Variants in EIF3J observed in about 807,000 individuals in gnomAD.
The protein encoded by EIF3J is eukaryotic translation initiation factor 3 subunit J.
A neutral mutation model predicts 39.0 loss-of-function variants in EIF3J; 15 were observed. The ratio of observed to expected loss-of-function variants is 0.38; its 90% CI spans 0.26 to 0.59. EIF3J has a LOEUF of 0.59. EIF3J is among the 20% of genes least tolerant of loss of function. EIF3J has a pLI of 0.60. For synonymous variants in EIF3J, 98 were observed against 112.9 expected, an observed-to-expected ratio of 0.87 and a Z score of 0.84; for missense variants, 226 against 308.6, an observed-to-expected ratio of 0.73 and a Z score of 2.00.
intron 2 of EIF3J, among the ~76,000 whole-genome samples, chr15:44,542,538 T>C (rs1041120981): frequency 1.3e-5 from 2 of 152,322 alleles, no homozygotes; most frequent in East Asian, 1.9e-4. Context: ...TGTGTTCTCA[T>C]TGCATGTGAC....
intron 4 of EIF3J, 45 bp from the exon 5 acceptor site, chr15:44,554,508 G>T (rs371607713): frequency 1.7e-6 from 2 of 1,163,736 alleles, no homozygotes; most frequent in Non-Finnish European, 2.5e-6. Flanking sequence ...GGTACTGAGT[G>T]CATCATAATC....
chr15:44,555,231 G>A (rs2082134761), intron 5 of EIF3J, among the ~76,000 whole-genome samples: 1 of 152,180 alleles, frequency 6.6e-6, no homozygotes, highest in Non-Finnish European at 1.5e-5. Flanking sequence ...TAAATTCAGA[G>A]TGTTCCAGAG....
chr15:44,547,162 A>G (rs143453203), intron 2 of EIF3J, among the ~76,000 whole-genome samples: 5,597 of 144,726 alleles, frequency 0.039, 355 homozygotes, highest in African/African-American at 0.13. Flanking sequence ...TTTTTTTGTG[A>G]GACGGAGTTT....
intron 2 of EIF3J, among the ~76,000 whole-genome samples, chr15:44,544,537 C>G (rs1446615602): frequency 6.7e-6 from 1 of 149,076 alleles, no homozygotes; most frequent in Non-Finnish European, 1.5e-5. Context: ...AAACCCATCT[C>G]TACTAAAAAT....
chr15:44,562,696 T>C lies in EIF3J; in HGVS notation c.*1547T>C, dbSNP rs1344629970. 6.0e-6 allele frequency: 1 copy of C among 166,188 alleles called. No individual in the cohort carries two copies. Among genetic ancestry groups the C allele is most frequent in the Admixed American group, 5.8e-5 (1 of 17,102 alleles). 10.3% of individuals were successfully genotyped at this position (166,188 alleles called of 1,614,324 possible). On this transcript the variant is annotated 3_prime_UTR_variant, in exon 8 of 8. Coordinates refer to ENST00000261868, the MANE Select transcript of EIF3J (RefSeq NM_003758.4). ...CCTTAGCAGTAATAATGACATACAC[T>C]GAATTGAAAATCTATTTTATTACAG...
rs1464813168 is a variant in EIF3J, at chr15:44,561,152, T to A, written c.*3T>A. ...AAGACTATGAAGACTTCATGTGACA[T>A]TTTATCTTTTCTTGGTGTCATCTTT... On this transcript the variant is annotated 3_prime_UTR_variant, in exon 8 of 8. Coordinates refer to ENST00000261868, the MANE Select transcript of EIF3J (RefSeq NM_003758.4). The A allele has an allele frequency of 6.2e-7, 1 of 1,607,926 alleles. No individual in the cohort carries two copies. The highest frequency in any genetic ancestry group is 8.5e-7 in the Non-Finnish European group (1 of 1,178,354).
At chr15:44,541,197 C>T (rs962913572) in intron 2 of EIF3J, among the ~76,000 whole-genome samples, 2 of 152,184 alleles carry the variant, frequency 1.3e-5, no homozygotes, top group African/African-American at 2.4e-5. Flanking sequence ...ATATATGACT[C>T]CTTCCTCATT....
intron 5 of EIF3J, among the ~76,000 whole-genome samples, chr15:44,556,002 G>A (rs1483067435): frequency 1.3e-5 from 2 of 151,842 alleles, no homozygotes; most frequent in Non-Finnish European, 2.9e-5. Flanking sequence ...GACTACAGGC[G>A]CATGCCACCA....
intron 4 of EIF3J, among the ~76,000 whole-genome samples, chr15:44,553,396 G>A (rs1389392961): frequency 6.6e-6 from 1 of 151,972 alleles, no homozygotes; most frequent in East Asian, 1.9e-4. Context: ...GGAGGCTGAG[G>A]CAGGAGAATG....
At chr15:44,549,227 C>T (rs952782674) in intron 2 of EIF3J, among the ~76,000 whole-genome samples, 2 of 151,212 alleles carry the variant, frequency 1.3e-5, no homozygotes, top group African/African-American at 4.9e-5. Context: ...AACCCCATCT[C>T]TACTAAAAAT....
intron 2 of EIF3J, among the ~76,000 whole-genome samples, chr15:44,547,541 C>T (rs1483158902): frequency 6.6e-6 from 1 of 151,228 alleles, no homozygotes; most frequent in East Asian, 1.9e-4. Flanking sequence ...CCTCCCACTC[C>T]TGGGTTCAAG....
chr15:44,540,606 A>G (rs2082006994), intron 2 of EIF3J, among the ~76,000 whole-genome samples: 1 of 151,930 alleles, frequency 6.6e-6, no homozygotes, highest in South Asian at 2.1e-4. Context: ...GAGACTGGCT[A>G]ATTTTTGTGT....
chr15:44,547,040 C>G (rs2082059263), intron 2 of EIF3J, among the ~76,000 whole-genome samples: 1 of 151,894 alleles, frequency 6.6e-6, no homozygotes, highest in Non-Finnish European at 1.5e-5. Flanking sequence ...CCAGGCTGGT[C>G]TCGGAACTCC....
At chr15:44,544,887 C>G (rs1055853609) in intron 2 of EIF3J, among the ~76,000 whole-genome samples, 1 of 151,592 alleles carries the variant, frequency 6.6e-6, no homozygotes, top group Non-Finnish European at 1.5e-5. Flanking sequence ...ACCTGTAGTC[C>G]CAACTACTCA....
At chr15:44,557,173 A>C (rs1423558330) in intron 5 of EIF3J, among the ~76,000 whole-genome samples, 1 of 152,148 alleles carries the variant, frequency 6.6e-6, no homozygotes. Flanking sequence ...AGATATCTGT[A>C]ATGGCAGGAG....
At chr15:44,541,570 A>G (rs1435921545) in intron 2 of EIF3J, among the ~76,000 whole-genome samples, 2 of 150,886 alleles carry the variant, frequency 1.3e-5, no homozygotes, top group African/African-American at 2.5e-5. Context: ...CGTCCTACTC[A>G]TTCACTCTCT....
intron 5 of EIF3J, among the ~76,000 whole-genome samples, chr15:44,555,865 AT>A (rs542735310): frequency 6.0e-5 from 9 of 148,838 alleles, no homozygotes; most frequent in Non-Finnish European, 7.5e-5. Context: ...TCTAGGCCAG[AT>A]TTTTTTTTTT....
At chr15:44,544,714 A>AC (rs1214675546) in intron 2 of EIF3J, among the ~76,000 whole-genome samples, 3 of 143,948 alleles carry the variant, frequency 2.1e-5, no homozygotes, top group Admixed American at 7.0e-5. Context: ...AAAAAAAAAA[A>AC]AAAAAAAAAA....
At position 44,537,403 on chromosome 15, in the gene EIF3J, C is replaced by A. The variant is rs2081967998; in HGVS notation, c.123C>A (p.Gly41=). ...CTGCCGGCGGGGACCGCTGGGAAGG[C>A]GAGGACGAGGACGAGGACGTCAAGG... ...GGTAGGDRWE[G]EDEDEDVKDN... The change falls in exon 2 of 8, where the codon GGC becomes GGA. Residue 41 remains glycine (G), a synonymous_variant. Coordinates refer to ENST00000261868, the MANE Select transcript of EIF3J (RefSeq NM_003758.4). The A allele has an allele frequency of 6.4e-7, 1 of 1,556,862 alleles. No individual in the cohort carries two copies. The highest frequency in any genetic ancestry group is 8.7e-7 in the Non-Finnish European group (1 of 1,150,386).
Sources: allele counts gnomAD v4.1 joint callset (sites outside exome capture counted in the v4.1 genomes callset), GRCh38; gene constraint gnomAD v4.1.1; transcripts MANE v1.5; gene names NCBI Gene and HGNC (gene_info 2026-07-23, HGNC 2026-07-21).